Variants in KLF8 observed in about 807,000 individuals in gnomAD.
KLF8 encodes KLF transcription factor 8.
In KLF8, 10 loss-of-function variants were observed where a neutral mutation model predicts 18.2. That is an observed-to-expected ratio of 0.55 (90% CI 0.34 to 0.93). The LOEUF is 0.93. Among genes scored for constraint, KLF8 ranks in the 40% least tolerant of loss-of-function variants. The pLI is 0.02. For synonymous variants in KLF8, 109 were observed against 97.3 expected (o/e 1.12, Z -0.71); for missense variants, 264 against 277.9 (o/e 0.95, Z 0.36).
chrX:56,172,190 T>C, the KLF8 span, among the ~76,000 whole-genome samples: 1 of 110,495 alleles, frequency 9.1e-6, no homozygotes, highest in Non-Finnish European at 1.9e-5. Flanking sequence ...ATGTGCCATA[T>C]TGGTGTGCTG....
At chrX:56,140,141 C>A in the KLF8 span, among the ~76,000 whole-genome samples, 1 of 112,255 alleles carries the variant, frequency 8.9e-6, no homozygotes, top group African/African-American at 3.2e-5. Flanking sequence ...AAAGGTAATG[C>A]TTATACACTG....
the KLF8 span, among the ~76,000 whole-genome samples, chrX:56,142,938 G>A: frequency 8.9e-6 from 1 of 112,045 alleles, no homozygotes; most frequent in Non-Finnish European, 1.9e-5. Flanking sequence ...AGCTGATTTA[G>A]TGGTCTTTTT....
intron 1 of KLF8, among the ~76,000 whole-genome samples, chrX:56,244,265 G>A (rs960375859): frequency 2.4e-4 from 27 of 111,490 alleles, no homozygotes; most frequent in African/African-American, 8.5e-4. Context: ...GCTAGACTGC[G>A]GTGGCACAAT....
At chrX:56,088,543 A>G in the KLF8 span, among the ~76,000 whole-genome samples, 9 of 111,761 alleles carry the variant, frequency 8.1e-5, no homozygotes, top group African/African-American at 2.9e-4. Flanking sequence ...ATATCTTTCA[A>G]GTGGTATTGT....
intron 1 of KLF8, among the ~76,000 whole-genome samples, chrX:56,236,534 A>ATTCTAACTGT (rs1396251147): frequency 9.1e-6 from 1 of 110,262 alleles, no homozygotes; most frequent in Non-Finnish European, 1.9e-5. Context: ...CTGTTTCTTT[A>ATTCTAACTGT]TTATTATTCT....
the KLF8 span, among the ~76,000 whole-genome samples, chrX:56,012,411 A>T: frequency 6.7e-4 from 75 of 112,194 alleles, no homozygotes; most frequent in East Asian, 0.019. Flanking sequence ...CATATTAAAA[A>T]TTCTCAGTAA....
chrX:56,046,280 T>C, the KLF8 span, among the ~76,000 whole-genome samples: 2 of 111,713 alleles, frequency 1.8e-5, no homozygotes, highest in Admixed American at 9.6e-5. Context: ...GCATCTATGA[T>C]CATCAGGCAT....
chrX:56,253,315 A>G (rs144217350), intron 2 of KLF8, among the ~76,000 whole-genome samples: 424 of 111,892 alleles, frequency 3.8e-3, no homozygotes, highest in African/African-American at 0.013. Flanking sequence ...TTTCCCAAAT[A>G]TTTTCTGCAG....
chrX:55,961,654 C>T, the KLF8 span: 1 of 412,562 alleles, frequency 2.4e-6, no homozygotes, highest in Non-Finnish European at 4.6e-6. Flanking sequence ...ATTTTTTAAG[C>T]TCAGCCAGGA....
the KLF8 span, among the ~76,000 whole-genome samples, chrX:55,983,652 G>A: frequency 9.0e-6 from 1 of 111,719 alleles, no homozygotes; most frequent in African/African-American, 3.3e-5. Flanking sequence ...TAGCTTTAAT[G>A]GTACAAGTGG....
chrX:56,287,772 T>A lies in KLF8; in HGVS notation c.*3278T>A, dbSNP rs1242728456. On this transcript the variant is annotated 3_prime_UTR_variant, in exon 6 of 6. Transcript: ENST00000468660. ...CAGTTTTACAGAAAAAATGTGAAGCTAGTACAGAGAGGTCTCATTTACCCC... is the reference window on the plus strand; with the variant it reads ...CAGTTTTACAGAAAAAATGTGAAGCAAGTACAGAGAGGTCTCATTTACCCC... 2 of 112,059 alleles carry A rather than the reference T, an allele frequency of 1.8e-5. No individual in the cohort carries two copies. The highest frequency in any genetic ancestry group is 3.8e-5 in the Non-Finnish European group (2 of 53,270). The allele number at this position is 112,059 out of a possible 1,213,427, so 9.2% of individuals were successfully genotyped here.
the KLF8 span, among the ~76,000 whole-genome samples, chrX:56,085,776 G>T: frequency 8.9e-6 from 1 of 111,993 alleles, no homozygotes; most frequent in South Asian, 3.7e-4. Context: ...TTTATTACTT[G>T]GAAAGTAAAA....
chrX:56,266,575 T>G, intron 3 of KLF8: 1 of 743,686 alleles, frequency 1.3e-6, no homozygotes, highest in South Asian at 6.9e-5. Flanking sequence ...TATTTTATTT[T>G]TAAAATAAGT....
the KLF8 span, among the ~76,000 whole-genome samples, chrX:56,148,408 CG>C: frequency 1.8e-5 from 2 of 109,030 alleles, no homozygotes; most frequent in African/African-American, 3.3e-5. Context: ...AAAATACATT[CG>C]AACTTTAAAA....
chrX:55,942,728 GAGTT>G, the KLF8 span, among the ~76,000 whole-genome samples: 1 of 111,424 alleles, frequency 9.0e-6, no homozygotes, highest in Non-Finnish European at 1.9e-5. Context: ...TAATGGAAAA[GAGTT>G]AGACATGTGA....
the KLF8 span, among the ~76,000 whole-genome samples, chrX:56,061,920 C>T: frequency 2.0e-4 from 21 of 102,458 alleles, no homozygotes; most frequent in Non-Finnish European, 3.3e-4. Flanking sequence ...ATTTAATGTT[C>T]TTGGCCTTTT....
At chrX:56,275,783 T>C (rs2067114224) in intron 5 of KLF8, among the ~76,000 whole-genome samples, 1 of 112,819 alleles carries the variant, frequency 8.9e-6, no homozygotes, top group Admixed American at 9.3e-5. Flanking sequence ...TCTGTTGATA[T>C]GATGTATCAC....
At chrX:56,007,967 A>AT in the KLF8 span, among the ~76,000 whole-genome samples, 18 of 110,443 alleles carry the variant, frequency 1.6e-4, no homozygotes, top group East Asian at 5.7e-4. Context: ...AAAAAATGTG[A>AT]TTTTTTTATT....
the KLF8 span, among the ~76,000 whole-genome samples, chrX:55,984,482 A>C: frequency 1.8e-5 from 2 of 111,540 alleles, no homozygotes; most frequent in East Asian, 5.6e-4. Context: ...GTGTATATGT[A>C]CATGGTGTAT....
Sources: gnomAD v4.1 joint callset for allele counts (sites outside exome capture counted in the v4.1 genomes callset) on GRCh38, gnomAD v4.1.1 for gene constraint, MANE v1.5 for transcripts, NCBI Gene and HGNC (gene_info 2026-07-23, HGNC 2026-07-21) for gene names.